ATP6V1E2: variants seen among roughly 807,000 people sequenced by gnomAD.
ATP6V1E2 encodes the protein ATPase H+ transporting V1 subunit E2.
For missense variants in ATP6V1E2, 308 were observed against 273.3 expected (o/e 1.13, Z -0.90); for synonymous variants, 121 against 104.2 (o/e 1.16, Z -0.98).
intron 2 of ATP6V1E2, among the ~76,000 whole-genome samples, chr2:46,539,389 C>T (rs1303559011): frequency 6.6e-6 from 1 of 152,236 alleles, no homozygotes; most frequent in Non-Finnish European, 1.5e-5. Flanking sequence ...GGATGCACCC[C>T]TATGGGCACA....
intron 4 of ATP6V1E2, among the ~76,000 whole-genome samples, chr2:46,528,728 C>A (rs1380389189): frequency 6.6e-6 from 1 of 152,238 alleles, no homozygotes; most frequent in Non-Finnish European, 1.5e-5. Flanking sequence ...TAAAGGCTGA[C>A]AATCTGCCTC....
chr2:46,524,927 G>T (rs536996393), intron 4 of ATP6V1E2, among the ~76,000 whole-genome samples: 2 of 152,162 alleles, frequency 1.3e-5, no homozygotes, highest in South Asian at 2.1e-4. Flanking sequence ...CCCATCAAAG[G>T]CTTCTTAGCA....
At chr2:46,537,793 A>T (rs1667523430) in intron 2 of ATP6V1E2, among the ~76,000 whole-genome samples, 1 of 152,162 alleles carries the variant, frequency 6.6e-6, no homozygotes, top group South Asian at 2.1e-4. Context: ...AGCAGACATG[A>T]GGGAACACAC....
rs746179788 is a variant in ATP6V1E2 at position 46,512,160 on chromosome 2, G to A, written c.552C>T (p.Tyr184=). The part of the protein sequence containing the change: ...AVNAAGGVEV[Y]SGNQRIKVSN... ...AAACCTTTATTCTCTGATTGCCACT[G>A]TAGACCTCCACACCTCCAGCTGCAT... Residue 184 remains tyrosine, a synonymous_variant, in exon 5 of 5, where the codon TAC becomes TAT. Transcript: ENST00000522587. 9 of 1,614,082 alleles carry A rather than the reference G, an allele frequency of 5.6e-6. No homozygotes were observed. The East Asian group carries it at 1.6e-4, about 28-fold the overall frequency.
intron 4 of ATP6V1E2, among the ~76,000 whole-genome samples, chr2:46,515,270 G>T (rs754933284): frequency 6.6e-6 from 1 of 151,974 alleles, no homozygotes; most frequent in African/African-American, 2.4e-5. Context: ...TTTTAATTCT[G>T]GTATAGAAGT....
In ATP6V1E2 at chr2:46,512,813, C is replaced by G. The variant is rs1174306884; in HGVS notation, c.-101-1G>C. On this transcript the variant is annotated splice_acceptor_variant, in intron 4 of 4. Coordinates refer to ENST00000522587, the MANE Select transcript of ATP6V1E2 (RefSeq NM_001318063.2). LOFTEE classifies it low-confidence loss of function (5UTR_SPLICE). ...TGTCTCTGGAGTTCCACTTTCTCAG[C>G]TATACCAGTGAACAAGAGGATGAAA... 1.0e-6 allele frequency: 1 copy of G among 1,001,420 alleles called. No homozygotes were observed. Among genetic ancestry groups the G allele is most frequent in the Admixed American group, 2.8e-5 (1 of 36,114 alleles). 62.0% of individuals were successfully genotyped at this position (1,001,420 alleles called of 1,614,324 possible). A position where few individuals can be genotyped will look rare whatever the true frequency, so the allele number is the denominator to read the frequency against.
chr2:46,523,586 CTA>C (rs1666747404), intron 4 of ATP6V1E2, among the ~76,000 whole-genome samples: 1 of 152,100 alleles, frequency 6.6e-6, no homozygotes, highest in African/African-American at 2.4e-5. Context: ...CTCCATTGGC[CTA>C]TATGTCTGTT....
chr2:46,512,534 T>C lies in ATP6V1E2; in HGVS notation c.178A>G (p.Lys60Glu), dbSNP rs1008488710. ...TTCTGCTGCTCTATCTGCTTCTCCTTTTTCTCATAATACTCCATAATCTTC... is the reference window on the plus strand; with the variant it reads ...TTCTGCTGCTCTATCTGCTTCTCCTCTTTCTCATAATACTCCATAATCTTC... ...RLKIMEYYEK[K>E]EKQIEQQKKI... The change falls in exon 5 of 5, where the codon AAG (lysine) becomes GAG (glutamate). Residue 60 changes from lysine to glutamate, a missense_variant. By Grantham distance (56) the Lys-to-Glu change is moderately conservative. Coordinates refer to ENST00000522587, the MANE Select transcript of ATP6V1E2 (RefSeq NM_001318063.2). The C allele has an allele frequency of 3.7e-6, 6 of 1,614,192 alleles. No homozygotes were observed. Among genetic ancestry groups the C allele is most frequent in the Non-Finnish European group, 5.1e-6 (6 of 1,180,042 alleles).
intron 1 of ATP6V1E2, 169 bp from the exon 2 acceptor site, chr2:46,541,622 C>T (rs1458191134): frequency 6.6e-6 from 1 of 152,270 alleles, no homozygotes; most frequent in African/African-American, 2.4e-5. Context: ...CTCCGCGCTG[C>T]CTCTCAATGC....
chr2:46,528,762 A>G (rs1667047575), intron 4 of ATP6V1E2, among the ~76,000 whole-genome samples: 1 of 152,250 alleles, frequency 6.6e-6, no homozygotes, highest in Non-Finnish European at 1.5e-5. Flanking sequence ...ACACAAAACT[A>G]CTTCTGTAAA....
Position 46,512,179 on chromosome 2 carries a change from G to C in ATP6V1E2, c.533C>G (p.Ala178Gly), listed in dbSNP as rs1356588479. ...DKEAYLAVNA[A>G]GGVEVYSGNQ... Reference sequence around the variant, plus strand: ...GCCACTGTAGACCTCCACACCTCCAGCTGCATTCACAGCCAGGTATGCCTC... The same window carrying C: ...GCCACTGTAGACCTCCACACCTCCACCTGCATTCACAGCCAGGTATGCCTC... The change falls in exon 5 of 5, where the codon GCT (alanine) becomes GGT (glycine). Residue 178 changes from alanine (A) to glycine (G), a missense_variant. Ala to Gly is a moderately conservative substitution (Grantham distance 60, BLOSUM62 0). Coordinates refer to ENST00000522587, the MANE Select transcript of ATP6V1E2 (RefSeq NM_001318063.2). 1 of 1,614,028 alleles carries C rather than the reference G, an allele frequency of 6.2e-7. No individual in the cohort carries two copies. The highest frequency in any genetic ancestry group is 1.3e-5 in the African/African-American group (1 of 74,916).
intron 4 of ATP6V1E2, among the ~76,000 whole-genome samples, chr2:46,513,849 G>T (rs557837393): frequency 6.6e-6 from 1 of 151,990 alleles, no homozygotes; most frequent in Non-Finnish European, 1.5e-5. Context: ...AACAAAACAC[G>T]TTATATTCTT....
intron 2 of ATP6V1E2, among the ~76,000 whole-genome samples, chr2:46,537,734 C>T (rs571423789): frequency 1.0e-3 from 153 of 152,288 alleles, no homozygotes; most frequent in African/African-American, 3.4e-3. Flanking sequence ...CTAAAGCATC[C>T]TAGCCACAAC....
Position 46,530,385 on chromosome 2 carries a change from A to G in ATP6V1E2, c.-102+5428T>C, listed in dbSNP as rs1186811907. 6.6e-6 allele frequency among the ~76,000 whole-genome samples: 1 copy of G among 152,182 alleles called. No individual in the cohort carries two copies. Among genetic ancestry groups the G allele is most frequent in the Non-Finnish European group, 1.5e-5 (1 of 68,030 alleles). ...TAGGTCAGGCATCCACCTCTCAGGA[A>G]CCAAGAACCATCATCCTCCTCCCTT... On this transcript the variant is annotated intron_variant, in intron 4 of 4. Coordinates refer to ENST00000522587, the MANE Select transcript of ATP6V1E2 (RefSeq NM_001318063.2). The surrounding 1 kb of genome is among the most constrained non-coding windows in gnomAD (Gnocchi z 5.2).
At chr2:46,540,261 A>T (rs1667662818) in intron 2 of ATP6V1E2, among the ~76,000 whole-genome samples, 1 of 152,066 alleles carries the variant, frequency 6.6e-6, no homozygotes, top group Non-Finnish European at 1.5e-5. Context: ...GCTCTGCAAA[A>T]AAATACAAAA....
At chr2:46,537,354 C>G (rs960831205) in intron 2 of ATP6V1E2, 5 of 152,250 alleles carry the variant, frequency 3.3e-5, no homozygotes, top group African/African-American at 9.6e-5. Context: ...AGGCAACAGT[C>G]ACCTGACAGT....
chr2:46,523,820 G>T (rs1002886246), intron 4 of ATP6V1E2, among the ~76,000 whole-genome samples: 3 of 152,058 alleles, frequency 2.0e-5, no homozygotes, highest in Admixed American at 6.6e-5. Context: ...AATTACTTTG[G>T]GCAGTATGGG....
chr2:46,538,101 C>A (rs1473219607), intron 2 of ATP6V1E2, among the ~76,000 whole-genome samples: 2 of 152,156 alleles, frequency 1.3e-5, no homozygotes, highest in Non-Finnish European at 2.9e-5. Context: ...TGGATTCCAT[C>A]ATCCAAATCT....
chr2:46,531,389 T>C lies in ATP6V1E2; in HGVS notation c.-102+4424A>G, dbSNP rs577957904. Among the ~76,000 whole-genome samples, 9 of 152,366 alleles carry C rather than the reference T, an allele frequency of 5.9e-5. No individual in the cohort carries two copies. The East Asian group carries it at 9.6e-4, about 16-fold the overall frequency. On this transcript the variant is annotated intron_variant, in intron 4 of 4. Transcript: ENST00000522587. ...ATTACTTTTTATGGCTCAATAATAT[T>C]CCACTGTATCCATATACCACAATTT...
Sources: allele counts gnomAD v4.1 joint callset (sites outside exome capture counted in the v4.1 genomes callset), GRCh38; gene constraint gnomAD v4.1.1; non-coding constraint Gnocchi (gnomAD v3.1); transcripts MANE v1.5; gene names NCBI Gene and HGNC (gene_info 2026-07-23, HGNC 2026-07-21).